PIP5K1B: variants seen among roughly 807,000 people sequenced by gnomAD.
PIP5K1B encodes phosphatidylinositol-4-phosphate 5-kinase type 1 beta.
In PIP5K1B, 42 loss-of-function variants were observed where a neutral mutation model predicts 67.0. That is an observed-to-expected ratio of 0.63 (90% CI 0.49 to 0.81). The LOEUF is 0.81. Ranked by LOEUF, PIP5K1B falls within the 30% of genes least tolerant of loss-of-function variation. The pLI is 0.00. For synonymous variants in PIP5K1B, 214 were observed against 231.4 expected (o/e 0.92, Z 0.68); for missense variants, 459 against 646.3 (o/e 0.71, Z 3.14).
intron 2 of PIP5K1B, among the ~76,000 whole-genome samples, chr9:68,791,001 G>T (rs778327064): frequency 5.9e-5 from 9 of 152,156 alleles, no homozygotes; most frequent in Non-Finnish European, 1.2e-4. Context: ...AGAGAACAGA[G>T]AACCTATTGC....
At chr9:68,721,823 GA>G (rs1326485874) in intron 1 of PIP5K1B, among the ~76,000 whole-genome samples, 5 of 152,246 alleles carry the variant, frequency 3.3e-5, no homozygotes, top group African/African-American at 1.2e-4. Context: ...AAATGTTCCT[GA>G]AATTGTGTAA....
At chr9:68,936,746 C>T (rs1827283876) in intron 13 of PIP5K1B, among the ~76,000 whole-genome samples, 1 of 152,114 alleles carries the variant, frequency 6.6e-6, no homozygotes, top group Non-Finnish European at 1.5e-5. Context: ...TTGATCCTCT[C>T]CGAATTGGTG....
At chr9:69,003,478 AGGGGG>A (rs67726971) in intron 15 of PIP5K1B, among the ~76,000 whole-genome samples, 10 of 142,204 alleles carry the variant, frequency 7.0e-5, no homozygotes, top group African/African-American at 2.3e-4. Context: ...AAAAAAAAAA[AGGGGG>A]GGGGATATCA....
At chr9:68,925,743 G>C (rs1826657047) in intron 12 of PIP5K1B, among the ~76,000 whole-genome samples, 1 of 143,784 alleles carries the variant, frequency 7.0e-6, no homozygotes, top group Non-Finnish European at 1.5e-5. Context: ...TAGACTATAA[G>C]ATAGTGTTTA....
intron 2 of PIP5K1B, among the ~76,000 whole-genome samples, chr9:68,764,868 G>C (rs1314329776): frequency 6.6e-6 from 1 of 151,860 alleles, no homozygotes; most frequent in Admixed American, 6.6e-5. Flanking sequence ...GATTTCCTTA[G>C]TGATGGTTAT....
Position 68,954,332 on chromosome 9 carries a change from G to A in PIP5K1B, c.1502+13542G>A, listed in dbSNP as rs76290882. 9.4e-3 allele frequency among the ~76,000 whole-genome samples: 1,435 copies of A among 152,064 alleles called. 26 individuals carry two copies. The highest frequency in any genetic ancestry group is 0.033 in the African/African-American group (1,352 of 41,458). ...TTTATTGTAGTGTAGAGGGTTGAGCGTGTCTGCAAAATTAGATGAGATGTG... is the reference window on the plus strand; with the variant it reads ...TTTATTGTAGTGTAGAGGGTTGAGCATGTCTGCAAAATTAGATGAGATGTG... On this transcript the variant is annotated intron_variant, in intron 14 of 15. Transcript: ENST00000265382.
intron 15 of PIP5K1B, among the ~76,000 whole-genome samples, chr9:69,007,341 C>G (rs548379843): frequency 9.2e-5 from 14 of 152,260 alleles, no homozygotes; most frequent in African/African-American, 3.4e-4. Flanking sequence ...CCAGCTCCAA[C>G]CTTCTTCACT....
intron 15 of PIP5K1B, among the ~76,000 whole-genome samples, chr9:69,003,553 A>G (rs1483238077): frequency 6.6e-6 from 1 of 151,666 alleles, no homozygotes. Context: ...AGTGCTGTTC[A>G]TCTTGGCCAA....
chr9:68,828,547 C>T (rs548205671), intron 4 of PIP5K1B, among the ~76,000 whole-genome samples: 33 of 152,160 alleles, frequency 2.2e-4, no homozygotes, highest in Non-Finnish European at 4.0e-4. Context: ...AGGCAGGCAG[C>T]GGTGAGGAAG....
chr9:68,747,749 G>C (rs1829394589), intron 2 of PIP5K1B, among the ~76,000 whole-genome samples: 1 of 152,018 alleles, frequency 6.6e-6, no homozygotes, highest in South Asian at 2.1e-4. Flanking sequence ...TAGAGTACTA[G>C]AAGACATATT....
In PIP5K1B at chr9:68,934,478, C is replaced by T. The variant is rs115493946; in HGVS notation, c.1202-412C>T. 5.4e-3 allele frequency among the ~76,000 whole-genome samples: 815 copies of T among 152,288 alleles called. 8 individuals are homozygous for T. Among genetic ancestry groups the T allele is most frequent in the African/African-American group, 0.019 (779 of 41,550 alleles). ...AGTCCCAAGTTAATAAAACCAGGGTCGTGAGAATTCTCTATACTTTACCAT... is the reference window on the plus strand; with the variant it reads ...AGTCCCAAGTTAATAAAACCAGGGTTGTGAGAATTCTCTATACTTTACCAT... On this transcript the variant is annotated intron_variant, in intron 12 of 15. Transcript: ENST00000265382.
intron 8 of PIP5K1B, among the ~76,000 whole-genome samples, chr9:68,910,131 G>C (rs191062540): frequency 1.3e-5 from 2 of 152,238 alleles, no homozygotes; most frequent in East Asian, 3.9e-4. Context: ...TCTTGCAAAG[G>C]CTTCCTAAAG....
At chr9:68,738,757 G>A (rs999788189) in intron 1 of PIP5K1B, among the ~76,000 whole-genome samples, 1 of 152,066 alleles carries the variant, frequency 6.6e-6, no homozygotes, top group African/African-American at 2.4e-5. Context: ...TCTGAGAAGG[G>A]GCCCCTTTTC....
chr9:68,780,024 C>A, intron 2 of PIP5K1B: 2 of 1,159,496 alleles, frequency 1.7e-6, no homozygotes, highest in Non-Finnish European at 1.1e-6. Flanking sequence ...CGAGCGCCTG[C>A]GCGAAGGGCT....
chr9:68,877,005 A>AATTGATATTTAAATAACTATAAT (rs1273186796), intron 6 of PIP5K1B, among the ~76,000 whole-genome samples: 5 of 152,208 alleles, frequency 3.3e-5, no homozygotes, highest in African/African-American at 4.8e-5. Flanking sequence ...CTGTGGTGGT[A>AATTGATATTTAAATAACTATAAT]ATTGATATTT....
chr9:68,730,609 C>G (rs1055385733), intron 1 of PIP5K1B, among the ~76,000 whole-genome samples: 1 of 152,182 alleles, frequency 6.6e-6, no homozygotes, highest in Non-Finnish European at 1.5e-5. Context: ...AGATATCACA[C>G]TTTGAGTAAT....
chr9:68,746,178 A>T (rs910470315), intron 2 of PIP5K1B, among the ~76,000 whole-genome samples: 1 of 146,206 alleles, frequency 6.8e-6, no homozygotes, highest in Non-Finnish European at 1.5e-5. Context: ...TCCCGGGTTC[A>T]TGCTACTCTT....
In PIP5K1B at chr9:68,985,049, G is replaced by T. The variant is rs544706081; in HGVS notation, c.1503-6091G>T. On this transcript the variant is annotated intron_variant, in intron 14 of 15. Coordinates refer to ENST00000265382, the MANE Select transcript of PIP5K1B (RefSeq NM_003558.4). Reference sequence around the variant, plus strand: ...GGGATTGCGTGTATGAGTGTAACAGGCTGGGTGGGATGCTCGAGTGAGGTG... The same window carrying T: ...GGGATTGCGTGTATGAGTGTAACAGTCTGGGTGGGATGCTCGAGTGAGGTG... Among the ~76,000 whole-genome samples, 4 of 152,304 alleles carry T rather than the reference G, an allele frequency of 2.6e-5. No individual in the cohort carries two copies. In the East Asian group the frequency reaches 7.7e-4, roughly 29 times the overall value.
intron 2 of PIP5K1B, among the ~76,000 whole-genome samples, chr9:68,814,860 G>A (rs759292261): frequency 2.6e-5 from 4 of 152,016 alleles, no homozygotes; most frequent in South Asian, 2.1e-4. Flanking sequence ...ATTTGACAAA[G>A]TAGACAAATA....
Sources: gnomAD v4.1 joint callset for allele counts (sites outside exome capture counted in the v4.1 genomes callset) on GRCh38, gnomAD v4.1.1 for gene constraint, MANE v1.5 for transcripts, NCBI Gene and HGNC (gene_info 2026-07-23, HGNC 2026-07-21) for gene names.